RBM44: variants seen among roughly 807,000 people sequenced by gnomAD.
RBM44 encodes the protein RNA-binding protein 44.
Under a neutral mutation model 105.1 loss-of-function variants are expected in RBM44, and 66 were observed. That is an observed-to-expected ratio of 0.63 (90% CI 0.52 to 0.77). RBM44 has a LOEUF of 0.77. Ranked by LOEUF, RBM44 falls within the 30% of genes least tolerant of loss-of-function variation. The pLI is 0.00. For synonymous variants in RBM44, 365 were observed against 417.6 expected (o/e 0.87, Z 1.54); for missense variants, 1,122 against 1,207.8 (o/e 0.93, Z 1.05).
intron 8 of RBM44, among the ~76,000 whole-genome samples, chr2:237,822,502 G>A (rs56335318): frequency 6.6e-6 from 1 of 151,958 alleles, no homozygotes. Flanking sequence ...TAACCCTGAG[G>A]TTTCTTTATT....
chr2:237,834,602 C>T (rs1464240781), intron 15 of RBM44, 179 bp downstream of exon 15: 1 of 294,610 alleles, frequency 3.4e-6, no homozygotes, highest in Admixed American at 5.2e-5. Context: ...AAACTAATTA[C>T]CCTAAAATTG....
chr2:237,820,524 A>G, intron 5 of RBM44, 173 bp downstream of exon 5: 1 of 474,410 alleles, frequency 2.1e-6, no homozygotes, highest in East Asian at 3.5e-5. Flanking sequence ...TGGAGGGGCC[A>G]CAGTGCGTGG....
Position 237,818,745 on chromosome 2 carries a change from A to G in RBM44, c.1677+149A>G. ...TTAAAAAGGGAGTAAATTAAAAAGT[A>G]AATTAAAAAAAAAAGACGTGTAAAT... is the stretch of plus-strand genomic sequence containing the variant. On this transcript the variant is annotated intron_variant, in intron 3 of 15. Coordinates refer to ENST00000316997, the MANE Select transcript of RBM44 (RefSeq NM_001080504.3). The surrounding 1 kb of genome is among the most constrained non-coding windows in gnomAD (Gnocchi z 4.6). 1 of 691,952 alleles carries G rather than the reference A, an allele frequency of 1.4e-6. No homozygotes were observed. The allele number at this position is 691,952 out of a possible 1,614,324, so 42.9% of individuals were successfully genotyped here.
At chr2:237,837,656 G>GA (rs1553730332) in intron 15 of RBM44, among the ~76,000 whole-genome samples, 1 of 151,804 alleles carries the variant, frequency 6.6e-6, no homozygotes, top group Non-Finnish European at 1.5e-5. Flanking sequence ...GATAAGCAAA[G>GA]AAAGTGCTCT....
At position 237,828,374 on chromosome 2, in the gene RBM44, ATT is replaced by A. The variant is rs1464687829; in HGVS notation, c.2601-841_2601-840del. 5.9e-5 allele frequency among the ~76,000 whole-genome samples: 9 copies of A among 152,292 alleles called. No individual in the cohort carries two copies. The East Asian group carries it at 1.7e-3, about 29-fold the overall frequency. ...GTAAGATAATTGTTCAGCTGTAATT[ATT>A]TAACCTGTTGATATGATGTTAATAC... is the stretch of plus-strand genomic sequence containing the variant. On this transcript the variant is annotated intron_variant, in intron 12 of 15. Transcript: ENST00000316997.
intron 1 of RBM44, among the ~76,000 whole-genome samples, chr2:237,799,778 T>C (rs1038442689): frequency 1.3e-5 from 2 of 152,140 alleles, no homozygotes; most frequent in African/African-American, 4.8e-5. Context: ...CGTAACTGAT[T>C]CGATAAGCAT....
chr2:237,831,326 G>A (rs2061901530), intron 13 of RBM44, among the ~76,000 whole-genome samples: 1 of 151,650 alleles, frequency 6.6e-6, no homozygotes, highest in South Asian at 2.1e-4. Flanking sequence ...TGTCGCCCAG[G>A]CTGGAGTGCA....
chr2:237,820,270 T>G lies in RBM44; in HGVS notation c.1832T>G (p.Leu611Ter). The G allele has an allele frequency of 6.2e-7, 1 of 1,603,246 alleles. No homozygotes were observed. Among genetic ancestry groups the G allele is most frequent in the South Asian group, 1.1e-5 (1 of 89,350 alleles). The change falls in exon 5 of 16, where the codon TTA (leucine) becomes TGA (stop). Residue 611 changes from leucine (L) to a stop codon, truncating the protein, a stop_gained. Transcript: ENST00000316997. LOFTEE classifies it high-confidence loss of function. ...QRAIKAELHL[L>*]NVHYQMCRRH... Reference sequence around the variant, plus strand: ...GCCATAAAAGCAGAGCTGCACCTTTTAAATGTTCACTATCAGATGTGTCGT... The same window carrying G: ...GCCATAAAAGCAGAGCTGCACCTTTGAAATGTTCACTATCAGATGTGTCGT...
intron 1 of RBM44, among the ~76,000 whole-genome samples, chr2:237,802,157 A>G (rs1461000565): frequency 6.6e-6 from 1 of 152,216 alleles, no homozygotes; most frequent in African/African-American, 2.4e-5. Context: ...CTCTCTGAAA[A>G]GCCTTCACTA....
chr2:237,839,825 C>G (rs1361935548), intron 15 of RBM44, among the ~76,000 whole-genome samples: 1 of 152,048 alleles, frequency 6.6e-6, no homozygotes, highest in Admixed American at 6.5e-5. Context: ...CATCAAAGGA[C>G]ACTATCAAAA....
In RBM44 at chr2:237,818,892, T is replaced by A. The variant is rs1481681250; in HGVS notation, c.1678-9T>A. 2 of 1,389,212 alleles carry A rather than the reference T, an allele frequency of 1.4e-6. No individual in the cohort carries two copies. The highest frequency in any genetic ancestry group is 5.0e-5 in the East Asian group (2 of 39,736). The allele number at this position is 1,389,212 out of a possible 1,614,324, so 86.1% of individuals were successfully genotyped here. A position where few individuals can be genotyped will look rare whatever the true frequency, so the allele number is the denominator to read the frequency against. ...CTTTTTTAAATTTAATTTTAAATCA[T>A]ATTTTCAGGATTTCCTGGAATTAAG... is the stretch of plus-strand genomic sequence containing the variant. On this transcript the variant is annotated splice_polypyrimidine_tract_variant and intron_variant, in intron 3 of 15. Coordinates refer to ENST00000316997, the MANE Select transcript of RBM44 (RefSeq NM_001080504.3). This position sits in a 1 kb window ranked among gnomAD's most constrained non-coding sequence, Gnocchi z 4.6.
rs762796920 is a variant in RBM44, at chr2:237,820,355, T to C, written c.1913+4T>C. On this transcript the variant is annotated splice_donor_region_variant and intron_variant, in intron 5 of 15. Coordinates refer to ENST00000316997, the MANE Select transcript of RBM44 (RefSeq NM_001080504.3). ...AAAATAGGGAAGGATTAAATATGTGTTTATTAATTTCAAATCTGTTTTTTC... is the reference window on the plus strand; with the variant it reads ...AAAATAGGGAAGGATTAAATATGTGCTTATTAATTTCAAATCTGTTTTTTC... The C allele has an allele frequency of 3.9e-6, 6 of 1,529,704 alleles. No homozygotes were observed. The highest frequency in any genetic ancestry group is 5.3e-6 in the Non-Finnish European group (6 of 1,123,746). The allele number at this position is 1,529,704 out of a possible 1,614,324, so 94.8% of individuals were successfully genotyped here.
At position 237,826,325 on chromosome 2, in the gene RBM44, C is replaced by T. The variant is rs530553722; in HGVS notation, c.2450-925C>T. On this transcript the variant is annotated intron_variant, in intron 10 of 15. Transcript: ENST00000316997. Reference sequence around the variant, plus strand: ...AATTTGAATCTCTATTCAGTGGATCCTTTTTGGTTTCAGGTTCTCTTCACA... The same window carrying T: ...AATTTGAATCTCTATTCAGTGGATCTTTTTTGGTTTCAGGTTCTCTTCACA... Among the ~76,000 whole-genome samples, 8 of 152,126 alleles carry T rather than the reference C, an allele frequency of 5.3e-5. No individual in the cohort carries two copies. In the East Asian group the frequency reaches 1.5e-3, roughly 29 times the overall value.
chr2:237,818,889 T>C lies in RBM44; in HGVS notation c.1678-12T>C. ...TAACTTTTTTAAATTTAATTTTAAA[T>C]CATATTTTCAGGATTTCCTGGAATT... On this transcript the variant is annotated splice_polypyrimidine_tract_variant and intron_variant, in intron 3 of 15. Coordinates refer to ENST00000316997, the MANE Select transcript of RBM44 (RefSeq NM_001080504.3). This position sits in a 1 kb window ranked among gnomAD's most constrained non-coding sequence, Gnocchi z 4.6. The C allele has an allele frequency of 7.3e-7, 1 of 1,371,478 alleles. No individual in the cohort carries two copies. The highest frequency in any genetic ancestry group is 1.3e-5 in the South Asian group (1 of 74,976). 85.0% of individuals were successfully genotyped at this position (1,371,478 alleles called of 1,614,324 possible).
chr2:237,837,365 T>C (rs1242410867), intron 15 of RBM44, among the ~76,000 whole-genome samples: 1 of 152,170 alleles, frequency 6.6e-6, no homozygotes, highest in Non-Finnish European at 1.5e-5. Context: ...CTGGACAAAG[T>C]AAATTGAAAA....
chr2:237,824,971 G>A (rs1357696321), intron 10 of RBM44, among the ~76,000 whole-genome samples: 1 of 151,132 alleles, frequency 6.6e-6, no homozygotes, highest in Non-Finnish European at 1.5e-5. Context: ...ATCTTCTATG[G>A]ATTTTTCTTT....
intron 4 of RBM44, 53 bp downstream of exon 4, chr2:237,819,012 GTA>G: frequency 1.1e-6 from 1 of 946,784 alleles, no homozygotes. Flanking sequence ...AATCAAAATA[GTA>G]TTTGCTTTCT....
intron 2 of RBM44, among the ~76,000 whole-genome samples, chr2:237,816,630 C>T (rs747087491): frequency 3.5e-4 from 54 of 152,130 alleles, no homozygotes; most frequent in Admixed American, 1.2e-3. Flanking sequence ...TGAGGGGTCT[C>T]TTCCTAGCTT....
At position 237,821,836 on chromosome 2, in the gene RBM44, C is replaced by T. The variant is rs1204228911; in HGVS notation, c.2205+9C>T. On this transcript the variant is annotated intron_variant, in intron 8 of 15. Coordinates refer to ENST00000316997, the MANE Select transcript of RBM44 (RefSeq NM_001080504.3). The stretch of plus-strand genomic sequence containing the variant: ...AAAAGACACTCTCTCAAGTAAGGGT[C>T]CTTGAAAGTTCATCAATGCAAATCT... 6.4e-7 allele frequency: 1 copy of T among 1,569,624 alleles called. No individual in the cohort carries two copies. Among genetic ancestry groups the T allele is most frequent in the Non-Finnish European group, 8.8e-7 (1 of 1,141,672 alleles).
Sources: allele counts gnomAD v4.1 joint callset (sites outside exome capture counted in the v4.1 genomes callset), GRCh38; gene constraint gnomAD v4.1.1; non-coding constraint Gnocchi (gnomAD v3.1); transcripts MANE v1.5; gene names NCBI Gene and HGNC (gene_info 2026-07-23, HGNC 2026-07-21).